Variants in ZBED4 observed in about 807,000 individuals in gnomAD.
ZBED4 encodes the protein zinc finger BED-type containing 4, also known as zinc finger BED domain-containing protein 4.
In ZBED4, 4 loss-of-function variants were observed where a neutral mutation model predicts 15.5. The observed-to-expected ratio is 0.26, with a 90% CI of 0.13 to 0.59. The LOEUF (loss-of-function observed/expected upper bound fraction) is 0.59, where lower values mean the gene tolerates loss of function less well. Among genes scored for constraint, ZBED4 ranks in the 20% least tolerant of loss-of-function variants. The pLI is 0.90. For synonymous variants in ZBED4, 692 were observed against 608.5 expected (o/e 1.14, Z -2.02); for missense variants, 1,323 against 1,461.8 (o/e 0.91, Z 1.55).
Position 49,886,032 on chromosome 22 carries a change from C to T in ZBED4, c.2370C>T (p.Cys790=), listed in dbSNP as rs780122017. Residue 790 remains cysteine (C), a synonymous_variant, in exon 2 of 2, where the codon TGC becomes TGT. Coordinates refer to ENST00000216268, the MANE Select transcript of ZBED4 (RefSeq NM_014838.3). The surrounding 1 kb of genome is among the most constrained non-coding windows in gnomAD (Gnocchi z 7.7). The part of the protein sequence containing the change: ...SGNSIQKQLE[C]WWEAWVTSTG... ...ACAGCATTCAGAAGCAGCTGGAGTG[C>T]TGGTGGGAAGCGTGGGTGACCTCCA... is the stretch of plus-strand genomic sequence containing the variant. 2.5e-5 allele frequency: 17 copies of T among 685,574 alleles called. 2 individuals are homozygous for T. Among genetic ancestry groups the T allele is most frequent in the Admixed American group, 6.9e-5 (3 of 43,388 alleles). 42.5% of individuals were successfully genotyped at this position (685,574 alleles called of 1,614,324 possible).
At chr22:49,870,051 C>A (rs1391777940) in intron 1 of ZBED4, among the ~76,000 whole-genome samples, 1 of 152,176 alleles carries the variant, frequency 6.6e-6, no homozygotes, top group Non-Finnish European at 1.5e-5. Flanking sequence ...TGCTTAGCTC[C>A]CACTGATAGG....
intron 1 of ZBED4, among the ~76,000 whole-genome samples, chr22:49,858,452 A>T (rs2060283903): frequency 6.6e-6 from 1 of 152,106 alleles, no homozygotes; most frequent in Admixed American, 6.5e-5. Context: ...CAGCTTGTTG[A>T]GAGTGCGTGT....
chr22:49,858,623 C>T lies in ZBED4; in HGVS notation c.-330+4634C>T, dbSNP rs374295789. Among the ~76,000 whole-genome samples, 6 of 152,306 alleles carry T rather than the reference C, an allele frequency of 3.9e-5. No individual in the cohort carries two copies. The East Asian group carries it at 5.8e-4, about 15-fold the overall frequency. ...TGCTGAACTGTCTTGAAGGAAACTGCAGATATCTGGACACTTCTCTAAGTG... is the reference window on the plus strand; with the variant it reads ...TGCTGAACTGTCTTGAAGGAAACTGTAGATATCTGGACACTTCTCTAAGTG... On this transcript the variant is annotated intron_variant, in intron 1 of 1. Transcript: ENST00000216268.
chr22:49,871,357 G>T (rs1042179052), intron 1 of ZBED4, among the ~76,000 whole-genome samples: 1 of 152,006 alleles, frequency 6.6e-6, no homozygotes, highest in Non-Finnish European at 1.5e-5. Flanking sequence ...GTGGTGGCAC[G>T]CACCTGTAAT....
At chr22:49,855,317 C>T (rs2060270424) in intron 1 of ZBED4, among the ~76,000 whole-genome samples, 1 of 152,076 alleles carries the variant, frequency 6.6e-6, no homozygotes, top group Non-Finnish European at 1.5e-5. Flanking sequence ...GACTTTTAGT[C>T]CACTTGACAG....
At chr22:49,859,837 G>A (rs1339972356) in intron 1 of ZBED4, among the ~76,000 whole-genome samples, 2 of 152,154 alleles carry the variant, frequency 1.3e-5, no homozygotes, top group East Asian at 3.8e-4. Context: ...ACCAGTCTAG[G>A]CAGCGTGGCA....
At chr22:49,855,547 G>A (rs879644101) in intron 1 of ZBED4, among the ~76,000 whole-genome samples, 31 of 152,198 alleles carry the variant, frequency 2.0e-4, no homozygotes, top group Non-Finnish European at 4.3e-4. Flanking sequence ...CTGTGTGTGT[G>A]CAGAGGAGCT....
At chr22:49,860,954 A>G (rs868193217) in intron 1 of ZBED4, among the ~76,000 whole-genome samples, 1 of 137,050 alleles carries the variant, frequency 7.3e-6, no homozygotes, top group Non-Finnish European at 1.6e-5. Context: ...AATTTTTTGT[A>G]CTTTAGTAGA....
intron 1 of ZBED4, among the ~76,000 whole-genome samples, chr22:49,859,252 G>A (rs546394145): frequency 7.2e-5 from 11 of 152,050 alleles, no homozygotes; most frequent in South Asian, 4.1e-4. Flanking sequence ...AATTCTTAGC[G>A]GAAGATGGTC....
intron 1 of ZBED4, among the ~76,000 whole-genome samples, chr22:49,878,965 A>G (rs939686258): frequency 3.3e-5 from 5 of 151,806 alleles, no homozygotes; most frequent in African/African-American, 1.2e-4. Flanking sequence ...CAACATGGTG[A>G]AACCCCGTCT....
chr22:49,859,078 C>T (rs546951329), intron 1 of ZBED4, among the ~76,000 whole-genome samples: 1 of 152,316 alleles, frequency 6.6e-6, no homozygotes, highest in South Asian at 2.1e-4. Context: ...TGTGGACGCT[C>T]TGCTCCCATC....
chr22:49,859,917 C>T (rs1184050728), intron 1 of ZBED4, among the ~76,000 whole-genome samples: 1 of 150,012 alleles, frequency 6.7e-6, no homozygotes, highest in Non-Finnish European at 1.5e-5. Context: ...GTTCCAGCTA[C>T]TCAGGAGGCT....
In ZBED4 at chr22:49,886,498, G is replaced by C. The variant is rs780912391; in HGVS notation, c.2836G>C (p.Glu946Gln). The change falls in exon 2 of 2, where the codon GAG (glutamate) becomes CAG (glutamine). Residue 946 changes from glutamate (E) to glutamine (Q), a missense_variant. Around this residue, in one of 6 missense-constraint regions of ZBED4, gnomAD observed 312 missense variants for 410.7 expected, o/e 0.76. Coordinates refer to ENST00000216268, the MANE Select transcript of ZBED4 (RefSeq NM_014838.3). This position sits in a 1 kb window ranked among gnomAD's most constrained non-coding sequence, Gnocchi z 7.7. ...ALKPFEAASR[E>Q]MSTQMSTLSQ... ...AAAGCCCTTCGAGGCTGCGAGCCGG[G>C]AGATGAGCACGCAGATGTCCACCCT... The C allele has an allele frequency of 6.4e-6, 10 of 1,566,838 alleles. No homozygotes were observed. In the South Asian group the frequency reaches 1.2e-4, roughly 19 times the overall value.
At position 49,887,255 on chromosome 22, in the gene ZBED4, C is replaced by A; in HGVS notation, c.*77C>A. ...GCCTGTACCAGGTCTATGACCCGCT[C>A]TGCCCACGGCTGTGTACGACATCAG... is the stretch of plus-strand genomic sequence containing the variant. On this transcript the variant is annotated 3_prime_UTR_variant, in exon 2 of 2. Transcript: ENST00000216268. 6.9e-7 allele frequency: 1 copy of A among 1,451,128 alleles called. No individual in the cohort carries two copies. The highest frequency in any genetic ancestry group is 9.3e-7 in the Non-Finnish European group (1 of 1,069,608). 89.9% of individuals were successfully genotyped at this position (1,451,128 alleles called of 1,614,324 possible). A position where few individuals can be genotyped will look rare whatever the true frequency, so the allele number is the denominator to read the frequency against.
In ZBED4 at chr22:49,884,402, G is replaced by C; in HGVS notation, c.740G>C (p.Arg247Thr). 4 of 1,613,376 alleles carry C rather than the reference G, an allele frequency of 2.5e-6. No individual in the cohort carries two copies. The highest frequency in any genetic ancestry group is 3.4e-6 in the Non-Finnish European group (4 of 1,179,600). The change falls in exon 2 of 2, where the codon AGA becomes ACA. Residue 247 changes from arginine to threonine, a missense_variant. Coordinates refer to ENST00000216268, the MANE Select transcript of ZBED4 (RefSeq NM_014838.3). ...SDMSVSEKCGREEALVGSSPH... is the reference protein window; with the variant it reads ...SDMSVSEKCGTEEALVGSSPH... ...ATGTCCGTTTCGGAGAAGTGCGGCA[G>C]AGAAGAAGCCCTGGTGGGGTCGTCT...
chr22:49,861,578 C>T (rs1000111270), intron 1 of ZBED4, among the ~76,000 whole-genome samples: 5 of 152,136 alleles, frequency 3.3e-5, no homozygotes, highest in East Asian at 1.9e-4. Flanking sequence ...GGACTACAGG[C>T]GCATGCCACC....
At chr22:49,863,040 C>T (rs1171199591) in intron 1 of ZBED4, among the ~76,000 whole-genome samples, 2 of 152,112 alleles carry the variant, frequency 1.3e-5, no homozygotes, top group Admixed American at 1.3e-4. Context: ...ATTATCCACC[C>T]CACCTCCCGT....
chr22:49,859,393 G>A (rs988432000), intron 1 of ZBED4, among the ~76,000 whole-genome samples: 3 of 152,052 alleles, frequency 2.0e-5, no homozygotes, highest in African/African-American at 7.2e-5. Context: ...TGCTCAAATA[G>A]CTATAAATGT....
intron 1 of ZBED4, among the ~76,000 whole-genome samples, chr22:49,879,401 AC>A (rs1396384569): frequency 6.6e-6 from 1 of 151,962 alleles, no homozygotes; most frequent in Non-Finnish European, 1.5e-5. Context: ...TGCTGCGATT[AC>A]AGGTGTGAGC....
Sources: allele counts gnomAD v4.1 joint callset (sites outside exome capture counted in the v4.1 genomes callset), GRCh38; gene constraint gnomAD v4.1.1; regional missense constraint gnomAD v4.1.1; non-coding constraint Gnocchi (gnomAD v3.1); transcripts MANE v1.5; gene names NCBI Gene and HGNC (gene_info 2026-07-23, HGNC 2026-07-21).